Variants in RFX3 observed in about 807,000 individuals in gnomAD.
RFX3 encodes transcription factor RFX3.
Under a neutral mutation model 98.6 loss-of-function variants are expected in RFX3, and 14 were observed. The observed-to-expected ratio is 0.14, with a 90% CI of 0.09 to 0.22. The LOEUF is 0.22. Ranked by LOEUF, RFX3 falls within the 10% of genes least tolerant of loss-of-function variation. The probability of loss-of-function intolerance (pLI) is 1.00; values close to 1 mark genes in which losing one functional copy is unlikely to be tolerated. For synonymous variants in RFX3, 383 were observed against 328.4 expected, an observed-to-expected ratio of 1.17 and a Z score of -1.80; for missense variants, 639 against 926.9, an observed-to-expected ratio of 0.69 and a Z score of 4.03.
intron 1 of RFX3, among the ~76,000 whole-genome samples, chr9:3,475,262 A>C (rs1020750105): frequency 1.3e-5 from 2 of 151,998 alleles, no homozygotes; most frequent in South Asian, 4.2e-4. Context: ...CCGTGTGCAG[A>C]GACGAGAGAT....
intron 1 of RFX3, among the ~76,000 whole-genome samples, chr9:3,473,169 T>C (rs1164990339): frequency 2.0e-5 from 3 of 152,138 alleles, no homozygotes; most frequent in East Asian, 1.9e-4. Flanking sequence ...CCACACATAA[T>C]TGGATTTCCC....
chr9:3,305,185 G>A (rs1284602042), intron 4 of RFX3, among the ~76,000 whole-genome samples: 3 of 151,976 alleles, frequency 2.0e-5, no homozygotes, highest in Non-Finnish European at 4.4e-5. Context: ...CTAGTTTGTA[G>A]GGCATGAGCT....
chr9:3,520,947 G>C (rs531505264), intron 1 of RFX3, among the ~76,000 whole-genome samples: 191 of 152,118 alleles, frequency 1.3e-3, no homozygotes, highest in Admixed American at 4.8e-3. Context: ...CAAAGTGTTG[G>C]GATTATAAAT....
At chr9:3,272,573 G>A (rs1586829083) in intron 9 of RFX3, among the ~76,000 whole-genome samples, 1 of 152,294 alleles carries the variant, frequency 6.6e-6, no homozygotes, top group South Asian at 2.1e-4. Context: ...AGGGCATGTA[G>A]ATGTCCCTCA....
intron 4 of RFX3, among the ~76,000 whole-genome samples, chr9:3,315,688 G>A (rs1004935434): frequency 2.0e-5 from 3 of 151,906 alleles, no homozygotes; most frequent in African/African-American, 4.8e-5. Context: ...AATGATAAAG[G>A]GGATATCACC....
At chr9:3,325,418 T>C (rs1482903045) in intron 4 of RFX3, among the ~76,000 whole-genome samples, 1 of 152,068 alleles carries the variant, frequency 6.6e-6, no homozygotes, top group African/African-American at 2.4e-5. Flanking sequence ...ATATTTTACA[T>C]TAATCAAAAG....
At chr9:3,416,412 G>A (rs1325195308) in intron 1 of RFX3, among the ~76,000 whole-genome samples, 1 of 152,110 alleles carries the variant, frequency 6.6e-6, no homozygotes, top group Non-Finnish European at 1.5e-5. Context: ...TGTTGGGCCT[G>A]TTTCTGCCAT....
intron 4 of RFX3, among the ~76,000 whole-genome samples, chr9:3,324,330 T>C (rs575281397): frequency 3.9e-5 from 6 of 152,304 alleles, no homozygotes; most frequent in South Asian, 4.1e-4. Context: ...TATCTTCATA[T>C]ATGATAATTA....
rs148240763 is a variant in RFX3, at chr9:3,307,461, T to C, written c.475-5841A>G. Among the ~76,000 whole-genome samples the C allele has an allele frequency of 6.1e-3, 932 of 152,188 alleles. 3 individuals carry two copies. Among genetic ancestry groups the C allele is most frequent in the Non-Finnish European group, 9.9e-3 (674 of 67,984 alleles). On this transcript the variant is annotated intron_variant, in intron 4 of 16. Coordinates refer to ENST00000617270, the MANE Select transcript of RFX3 (RefSeq NM_001282116.2). ...GACAGGAAAACCAACTTGGAAGCTA[T>C]CATAATAGTCCAGGATTGAGGTGAG...
Position 3,464,171 on chromosome 9 carries a change from A to G in RFX3, c.-9+61576T>C, listed in dbSNP as rs1301847996. The stretch of plus-strand genomic sequence containing the variant: ...CCAAGTGTTGACAAGGATGTAGAGC[A>G]ACTGCCAGGAATGCAAAATGGTACA... On this transcript the variant is annotated intron_variant, in intron 1 of 16. Transcript: ENST00000617270. Among the ~76,000 whole-genome samples, 4 of 152,330 alleles carry G rather than the reference A, an allele frequency of 2.6e-5. No homozygotes were observed. The South Asian group carries it at 6.2e-4, about 24-fold the overall frequency.
At chr9:3,238,169 A>C (rs773020565) in intron 15 of RFX3, among the ~76,000 whole-genome samples, 4 of 152,172 alleles carry the variant, frequency 2.6e-5, no homozygotes, top group Non-Finnish European at 5.9e-5. Context: ...AAAACAGTAA[A>C]ATTCCATTTA....
rs548595004 is a variant in RFX3 at position 3,387,539 on chromosome 9, C to T, written c.117+7933G>A. Among the ~76,000 whole-genome samples, 5 of 152,018 alleles carry T rather than the reference C, an allele frequency of 3.3e-5. No individual in the cohort carries two copies. The South Asian group carries it at 1.0e-3, about 31-fold the overall frequency. ...TTCCATTGTAAATCAGCATGGTCCTCCAAAACACCTTACTTCTTTATACTG... is the reference window on the plus strand; with the variant it reads ...TTCCATTGTAAATCAGCATGGTCCTTCAAAACACCTTACTTCTTTATACTG... On this transcript the variant is annotated intron_variant, in intron 2 of 16. Transcript: ENST00000617270.
rs200730420 is a variant in RFX3 at position 3,288,111 on chromosome 9, A to G, written c.851+20T>C. ...AGAAATACATAGCTTGGACACATCAATGATAACTTCAGAGTCTACCTTTGT... is the reference window on the plus strand; with the variant it reads ...AGAAATACATAGCTTGGACACATCAGTGATAACTTCAGAGTCTACCTTTGT... On this transcript the variant is annotated intron_variant, in intron 7 of 16. Coordinates refer to ENST00000617270, the MANE Select transcript of RFX3 (RefSeq NM_001282116.2). 2.5e-5 allele frequency: 41 copies of G among 1,611,750 alleles called. No homozygotes were observed. Among genetic ancestry groups the G allele is most frequent in the Admixed American group, 3.3e-5 (2 of 59,932 alleles).
At chr9:3,423,778 CAT>C (rs61209874) in intron 1 of RFX3, among the ~76,000 whole-genome samples, 25,448 of 110,506 alleles carry the variant, frequency 0.23, 2,587 homozygotes, top group Middle Eastern at 0.31. Context: ...TATATATTTT[CAT>C]ATATATATAT....
chr9:3,406,750 T>C (rs1842011179), intron 1 of RFX3, among the ~76,000 whole-genome samples: 1 of 152,218 alleles, frequency 6.6e-6, no homozygotes, highest in Admixed American at 6.5e-5. Flanking sequence ...CAGACATTTT[T>C]AATCAAATTA....
intron 3 of RFX3, among the ~76,000 whole-genome samples, chr9:3,334,377 C>T (rs910994133): frequency 7.9e-5 from 12 of 152,118 alleles, no homozygotes; most frequent in East Asian, 1.9e-4. Flanking sequence ...GTTCTATGAT[C>T]GTGGAAGTTG....
At chr9:3,443,824 G>A (rs917536455) in intron 1 of RFX3, among the ~76,000 whole-genome samples, 3 of 152,116 alleles carry the variant, frequency 2.0e-5, no homozygotes, top group Admixed American at 6.6e-5. Context: ...TCCCACCAAC[G>A]ATGTAAAAGT....
At chr9:3,392,396 T>C (rs186454797) in intron 2 of RFX3, among the ~76,000 whole-genome samples, 79 of 150,550 alleles carry the variant, frequency 5.2e-4, no homozygotes, top group African/African-American at 1.9e-3. Context: ...TAAAACATGA[T>C]ATTACGAAAA....
Position 3,422,805 on chromosome 9 carries a change from T to C in RFX3, c.-8-27209A>G, listed in dbSNP as rs1025195676. On this transcript the variant is annotated intron_variant, in intron 1 of 16. Coordinates refer to ENST00000617270, the MANE Select transcript of RFX3 (RefSeq NM_001282116.2). The stretch of plus-strand genomic sequence containing the variant: ...TAAGACACTGGGGTTCAGGAGGTTT[T>C]ATAAAAATAAATGGATTCAGAAGGA... 3.4e-4 allele frequency among the ~76,000 whole-genome samples: 51 copies of C among 152,190 alleles called. 3 individuals are homozygous for C. The highest frequency in any genetic ancestry group is 1.9e-4 in the East Asian group (1 of 5,206).
Sources: allele counts gnomAD v4.1 joint callset (sites outside exome capture counted in the v4.1 genomes callset), GRCh38; gene constraint gnomAD v4.1.1; transcripts MANE v1.5; gene names NCBI Gene and HGNC (gene_info 2026-07-23, HGNC 2026-07-21).